The following AZIN2 variants were observed in gnomAD, a reference collection of about 807,000 sequenced individuals.
The protein encoded by AZIN2 is antizyme inhibitor 2.
A neutral mutation model predicts 47.8 loss-of-function variants in AZIN2; 28 were observed. The observed-to-expected ratio is 0.59, with a 90% CI of 0.43 to 0.80. AZIN2 has a LOEUF of 0.80. Ranked by LOEUF, AZIN2 falls within the 30% of genes least tolerant of loss-of-function variation. The pLI is 0.00. For missense variants in AZIN2, 535 were observed against 582.5 expected (o/e 0.92, Z 0.84); for synonymous variants, 221 against 239.4 (o/e 0.92, Z 0.71).
At chr1:33,137,181 T>C in the AZIN2 span, among the ~76,000 whole-genome samples, 5 of 152,044 alleles carry the variant, frequency 3.3e-5, no homozygotes, top group Admixed American at 6.5e-5. Flanking sequence ...GAATGATCCC[T>C]ACACCCATCA....
At position 33,082,234 on chromosome 1, in the gene AZIN2, G is replaced by A; in HGVS notation, c.-16G>A. 1 of 1,610,358 alleles carries A rather than the reference G, an allele frequency of 6.2e-7. No individual in the cohort carries two copies. Among genetic ancestry groups the A allele is most frequent in the Non-Finnish European group, 8.5e-7 (1 of 1,176,908 alleles). Reference sequence around the variant, plus strand: ...AGCAGCGGCTCCATCCAGCCCGTCAGCTCCTCCTGCAAGGCATGGCTGGCT... The same window carrying A: ...AGCAGCGGCTCCATCCAGCCCGTCAACTCCTCCTGCAAGGCATGGCTGGCT... On this transcript the variant is annotated 5_prime_UTR_variant, in exon 4 of 12. Coordinates refer to ENST00000294517, the MANE Select transcript of AZIN2 (RefSeq NM_052998.4).
the AZIN2 span, among the ~76,000 whole-genome samples, chr1:33,136,166 CCTTCCT>C: frequency 4.1e-3 from 607 of 149,102 alleles, 6 homozygotes; most frequent in African/African-American, 0.014. Flanking sequence ...TTCCTTCCTT[CCTTCCT>C]TCCCTCCCTC....
the AZIN2 span, among the ~76,000 whole-genome samples, chr1:33,151,986 G>A: frequency 2.0e-5 from 3 of 152,228 alleles, no homozygotes; most frequent in Non-Finnish European, 4.4e-5. Flanking sequence ...GTTTTCCTCT[G>A]GCCAGGCCTT....
chr1:33,114,440 A>G (rs1339173911), intron 10 of AZIN2, among the ~76,000 whole-genome samples: 2 of 120,888 alleles, frequency 1.7e-5, no homozygotes, highest in Non-Finnish European at 3.4e-5. Flanking sequence ...TGCAAGCTCC[A>G]CCTTCCGGGT....
Position 33,093,369 on chromosome 1 carries a change from C to T in AZIN2, c.540C>T (p.His180=). 6.2e-7 allele frequency: 1 copy of T among 1,614,060 alleles called. No individual in the cohort carries two copies. The highest frequency in any genetic ancestry group is 1.1e-5 in the South Asian group (1 of 91,086). ...KFGVSLKSCR[H]LLENAKKHHV... ...GAGTGTCACTGAAATCCTGCAGACA[C>T]CTGCTTGAAAATGCGAAGAAGCACC... The change falls in exon 7 of 12, where the codon CAC becomes CAT. Residue 180 remains histidine, a synonymous_variant. Coordinates refer to ENST00000294517, the MANE Select transcript of AZIN2 (RefSeq NM_052998.4).
chr1:33,131,467 G>A, the AZIN2 span, among the ~76,000 whole-genome samples: 47 of 152,236 alleles, frequency 3.1e-4, no homozygotes, highest in South Asian at 9.1e-3. Flanking sequence ...CTTGAAATGT[G>A]GCCAGTCCAA....
At chr1:33,128,912 G>GT in the AZIN2 span, among the ~76,000 whole-genome samples, 14 of 152,204 alleles carry the variant, frequency 9.2e-5, no homozygotes, top group Admixed American at 2.6e-4. Flanking sequence ...TAAGTGCTGT[G>GT]TTAGTGGAAA....
intron 4 of AZIN2, chr1:33,083,748 G>A: frequency 1.7e-6 from 1 of 602,590 alleles, no homozygotes. Context: ...TTGAGGGGAG[G>A]GATTGGGGCT....
intron 10 of AZIN2, among the ~76,000 whole-genome samples, chr1:33,109,395 C>A (rs1644179757): frequency 6.7e-6 from 1 of 149,254 alleles, no homozygotes. Context: ...GTGGTGAGAT[C>A]TTGGCTCACT....
chr1:33,086,306 G>A (rs1014909834), intron 5 of AZIN2, among the ~76,000 whole-genome samples: 1 of 152,174 alleles, frequency 6.6e-6, no homozygotes, highest in African/African-American at 2.4e-5. Flanking sequence ...CCGCATCAGG[G>A]TGGTGGCAGC....
chr1:33,101,022 T>G (rs112645116), intron 10 of AZIN2, among the ~76,000 whole-genome samples: 2,252 of 152,070 alleles, frequency 0.015, 48 homozygotes, highest in East Asian at 0.092. Context: ...CCACCATGCC[T>G]GGCTAATTTT....
At position 33,097,943 on chromosome 1, in the gene AZIN2, C is replaced by T; in HGVS notation, c.917-124C>T. 6.0e-6 allele frequency: 4 copies of T among 669,442 alleles called. No individual in the cohort carries two copies. The East Asian group carries it at 1.1e-4, about 18-fold the overall frequency. 41.5% of individuals were successfully genotyped at this position (669,442 alleles called of 1,614,324 possible). A position where few individuals can be genotyped will look rare whatever the true frequency, so the allele number is the denominator to read the frequency against. On this transcript the variant is annotated intron_variant, in intron 9 of 11. Transcript: ENST00000294517. ...GCTGCTGATGGCTTTTGTTGTAGGC[C>T]TCGCCTCATGGTTGAGGAATGGGTA...
the AZIN2 span, among the ~76,000 whole-genome samples, chr1:33,155,814 TGGG>T: frequency 4.8e-4 from 73 of 152,294 alleles, no homozygotes; most frequent in African/African-American, 1.7e-3. Flanking sequence ...AATCTGCCCT[TGGG>T]GGGGATCTGT....
Position 33,082,164 on chromosome 1 carries a change from CCCT to C in AZIN2, c.-72-12_-72-10del. 8.6e-7 allele frequency: 1 copy of C among 1,160,438 alleles called. No individual in the cohort carries two copies. Among genetic ancestry groups the C allele is most frequent in the Non-Finnish European group, 1.3e-6 (1 of 791,614 alleles). The allele number at this position is 1,160,438 out of a possible 1,614,324, so 71.9% of individuals were successfully genotyped here. ...GCCCCCCAGCGGTTCCCTTCATCTC[CCCT>C]CGCCCCGCAGTGTGTTGCATACTTT... is the stretch of plus-strand genomic sequence containing the variant. On this transcript the variant is annotated splice_polypyrimidine_tract_variant and intron_variant, in intron 3 of 11. Coordinates refer to ENST00000294517, the MANE Select transcript of AZIN2 (RefSeq NM_052998.4).
At chr1:33,115,506 C>T (rs370462837) in intron 10 of AZIN2, among the ~76,000 whole-genome samples, 1 of 151,724 alleles carries the variant, frequency 6.6e-6, no homozygotes, top group Non-Finnish European at 1.5e-5. Context: ...GAGTTTGAGA[C>T]CAGCCTGGCC....
At chr1:33,085,033 T>C (rs1475488509) in intron 5 of AZIN2, among the ~76,000 whole-genome samples, 1 of 152,224 alleles carries the variant, frequency 6.6e-6, no homozygotes, top group East Asian at 1.9e-4. Flanking sequence ...GCTTAGTTTA[T>C]TTATTTCTAT....
chr1:33,090,787 A>G (rs1642453812), intron 5 of AZIN2, among the ~76,000 whole-genome samples: 1 of 152,086 alleles, frequency 6.6e-6, no homozygotes, highest in African/African-American at 2.4e-5. Context: ...TGTACATTAG[A>G]TCTCTTGAAC....
chr1:33,119,937 A>C, intron 11 of AZIN2, 107 bp from the exon 12 acceptor site: 1 of 1,490,968 alleles, frequency 6.7e-7, no homozygotes, highest in Non-Finnish European at 9.1e-7. Flanking sequence ...CCCTCAGCTG[A>C]GCTCGGGCTC....
At position 33,083,839 on chromosome 1, in the gene AZIN2, G is replaced by T. The variant is rs576491461; in HGVS notation, c.106-115G>T. On this transcript the variant is annotated intron_variant, in intron 4 of 11. Coordinates refer to ENST00000294517, the MANE Select transcript of AZIN2 (RefSeq NM_052998.4). ...GGGAGGCCCAGAAAACTTAGCAGCA[G>T]GGTAGCTCTGTGGCCAGTACTGAAC... 2.7e-5 allele frequency: 35 copies of T among 1,282,310 alleles called. No individual in the cohort carries two copies. The South Asian group carries it at 4.1e-4, about 15-fold the overall frequency. 79.4% of individuals were successfully genotyped at this position (1,282,310 alleles called of 1,614,324 possible).
Sources: gnomAD v4.1 joint callset for allele counts (sites outside exome capture counted in the v4.1 genomes callset) on GRCh38, gnomAD v4.1.1 for gene constraint, MANE v1.5 for transcripts, NCBI Gene and HGNC (gene_info 2026-07-23, HGNC 2026-07-21) for gene names.